The following NRCAM variants were observed in gnomAD, a reference collection of about 807,000 sequenced individuals.
NRCAM encodes NgCAM-related cell adhesion molecule.
In NRCAM, 83 loss-of-function variants were observed where a neutral mutation model predicts 156.5. The observed-to-expected ratio is 0.53, with a 90% CI of 0.44 to 0.64. NRCAM has a LOEUF of 0.64. NRCAM is among the 30% of genes least tolerant of loss of function. NRCAM has a pLI of 0.00. For synonymous variants in NRCAM, 538 were observed against 563.9 expected (o/e 0.95, Z 0.65); for missense variants, 1,417 against 1,597.3 (o/e 0.89, Z 1.92).
At chr7:108,276,531 T>C (rs960518345) in intron 3 of NRCAM, among the ~76,000 whole-genome samples, 1 of 152,182 alleles carries the variant, frequency 6.6e-6, no homozygotes, top group African/African-American at 2.4e-5. Context: ...TTAAAGTCTG[T>C]TTTATCAGAG....
At chr7:108,372,260 GA>G (rs1234645091) in intron 2 of NRCAM, among the ~76,000 whole-genome samples, 2 of 151,760 alleles carry the variant, frequency 1.3e-5, no homozygotes, top group Non-Finnish European at 1.5e-5. Flanking sequence ...AACACACCTA[GA>G]AAAAAACATA....
intron 2 of NRCAM, among the ~76,000 whole-genome samples, chr7:108,366,305 T>C (rs1050695170): frequency 2.6e-5 from 4 of 152,220 alleles, no homozygotes; most frequent in African/African-American, 9.6e-5. Context: ...CTCTGGTTAA[T>C]AAAGTGATAG....
intron 3 of NRCAM, among the ~76,000 whole-genome samples, chr7:108,267,095 G>A (rs1300835101): frequency 6.6e-6 from 1 of 152,178 alleles, no homozygotes; most frequent in Non-Finnish European, 1.5e-5. Context: ...CACACACACA[G>A]CAGATTGCAT....
rs554184391 is a variant in NRCAM at position 108,228,930 on chromosome 7, G to A, written c.550+2101C>T. On this transcript the variant is annotated intron_variant, in intron 8 of 32. Transcript: ENST00000379028. ...ACTTTCTCTGAGTGCTTTCATATAAGGAGAGCCAAAATGCATCCCAGAACT... is the reference window on the plus strand; with the variant it reads ...ACTTTCTCTGAGTGCTTTCATATAAAGAGAGCCAAAATGCATCCCAGAACT... Among the ~76,000 whole-genome samples, 5 of 151,600 alleles carry A rather than the reference G, an allele frequency of 3.3e-5. No individual in the cohort carries two copies. In the East Asian group the frequency reaches 9.7e-4, roughly 29 times the overall value.
At chr7:108,453,548 C>T (rs1489925468) in intron 1 of NRCAM, among the ~76,000 whole-genome samples, 1 of 152,184 alleles carries the variant, frequency 6.6e-6, no homozygotes, top group Admixed American at 6.5e-5. Flanking sequence ...CCCTGCATTA[C>T]GAGGCTGAGC....
At chr7:108,287,564 C>G (rs1374447194) in intron 3 of NRCAM, among the ~76,000 whole-genome samples, 3 of 151,866 alleles carry the variant, frequency 2.0e-5, no homozygotes, top group Admixed American at 2.0e-4. Flanking sequence ...AAGTGGCCAA[C>G]AAACATACAA....
In NRCAM at chr7:108,211,521, A is replaced by G. The variant is rs554960150; in HGVS notation, c.891-1916T>C. On this transcript the variant is annotated intron_variant, in intron 11 of 32. Coordinates refer to ENST00000379028, the MANE Select transcript of NRCAM (RefSeq NM_001037132.4). ...AGCCCCGCTCACCCACTGCCTGGAAACAGACTTGGGGCTGTTAGGGTAGGC... is the reference window on the plus strand; with the variant it reads ...AGCCCCGCTCACCCACTGCCTGGAAGCAGACTTGGGGCTGTTAGGGTAGGC... 2.0e-5 allele frequency among the ~76,000 whole-genome samples: 3 copies of G among 152,256 alleles called. No individual in the cohort carries two copies. The East Asian group carries it at 5.8e-4, about 29-fold the overall frequency.
At position 108,189,833 on chromosome 7, in the gene NRCAM, A is replaced by G. The variant is rs369722910; in HGVS notation, c.1934-87T>C. On this transcript the variant is annotated intron_variant, in intron 19 of 32. Transcript: ENST00000379028. ...TCGTGATACTATTCACAGAGGGGAC[A>G]TCTTAAAGACACAGCACACTTGATA... is the stretch of plus-strand genomic sequence containing the variant. 4.2e-5 allele frequency: 27 copies of G among 648,842 alleles called. No individual in the cohort carries two copies. In the African/African-American group the frequency reaches 5.0e-4, roughly 12 times the overall value. The allele number at this position is 648,842 out of a possible 1,614,324, so 40.2% of individuals were successfully genotyped here. A position where few individuals can be genotyped will look rare whatever the true frequency, so the allele number is the denominator to read the frequency against.
chr7:108,154,219 G>A (rs1438944901), intron 32 of NRCAM, among the ~76,000 whole-genome samples: 1 of 152,280 alleles, frequency 6.6e-6, no homozygotes, highest in Non-Finnish European at 1.5e-5. Context: ...GAGATAGACA[G>A]ATTGACCAAT....
intron 2 of NRCAM, among the ~76,000 whole-genome samples, chr7:108,324,061 T>C (rs540367988): frequency 6.6e-6 from 1 of 151,884 alleles, no homozygotes; most frequent in Non-Finnish European, 1.5e-5. Context: ...GGGCACCACA[T>C]GATCTAGGGC....
chr7:108,456,220 C>CA (rs1282475666), intron 1 of NRCAM, 23 bp downstream of exon 1: 1 of 152,584 alleles, frequency 6.6e-6, no homozygotes, highest in Non-Finnish European at 1.5e-5. Context: ...GTGTCACCGC[C>CA]AGACGCGCAA....
intron 3 of NRCAM, among the ~76,000 whole-genome samples, chr7:108,255,812 C>T (rs986134443): frequency 5.3e-5 from 8 of 150,004 alleles, no homozygotes; most frequent in African/African-American, 1.7e-4. Flanking sequence ...GCGTCTCTGC[C>T]GGGCTGCCCC....
intron 3 of NRCAM, among the ~76,000 whole-genome samples, chr7:108,290,706 G>A (rs2098261816): frequency 6.6e-6 from 1 of 152,228 alleles, no homozygotes; most frequent in East Asian, 1.9e-4. Context: ...CAAAGAAAAT[G>A]AACTGTAATC....
chr7:108,232,395 C>T lies in NRCAM; in HGVS notation c.358G>A (p.Val120Ile), dbSNP rs1321163212. Reference protein sequence around the residue: ...SEGKAETYEGVYQCTARNERG... With the variant: ...SEGKAETYEGIYQCTARNERG... Reference sequence around the variant, plus strand: ...TCGTTCCTTGCTGTACACTGATAGACTCCTTCATAGGTCTCAGCTTTCCCT... The same window carrying T: ...TCGTTCCTTGCTGTACACTGATAGATTCCTTCATAGGTCTCAGCTTTCCCT... The change falls in exon 7 of 33, where the codon GTC becomes ATC. Residue 120 changes from valine (V) to isoleucine (I), a missense_variant. Coordinates refer to ENST00000379028, the MANE Select transcript of NRCAM (RefSeq NM_001037132.4). The T allele has an allele frequency of 6.2e-7, 1 of 1,613,528 alleles. No individual in the cohort carries two copies. Among genetic ancestry groups the T allele is most frequent in the African/African-American group, 1.3e-5 (1 of 74,842 alleles).
At chr7:108,324,877 C>CTTT (rs60553976) in intron 2 of NRCAM, among the ~76,000 whole-genome samples, 15 of 82,684 alleles carry the variant, frequency 1.8e-4, no homozygotes, top group African/African-American at 6.1e-4. Flanking sequence ...TGGCACTGTA[C>CTTT]TTTTTTTTTT....
chr7:108,413,777 G>C (rs1428320795), intron 1 of NRCAM, among the ~76,000 whole-genome samples: 3 of 152,182 alleles, frequency 2.0e-5, no homozygotes, highest in African/African-American at 7.2e-5. Context: ...ATTTGGTGCT[G>C]TATTGAGTCC....
chr7:108,190,076 TAAG>T (rs1327464329), intron 19 of NRCAM, among the ~76,000 whole-genome samples: 1 of 152,174 alleles, frequency 6.6e-6, no homozygotes, highest in Non-Finnish European at 1.5e-5. Flanking sequence ...TGAAAAATAA[TAAG>T]CTTAATTTCT....
chr7:108,444,987 C>G (rs1338252609), intron 1 of NRCAM, among the ~76,000 whole-genome samples: 1 of 152,180 alleles, frequency 6.6e-6, no homozygotes, highest in Non-Finnish European at 1.5e-5. Flanking sequence ...TACAAACCTG[C>G]TCACAAGCCA....
chr7:108,163,995 G>A (rs1259270467), intron 30 of NRCAM, among the ~76,000 whole-genome samples: 1 of 1,156 alleles, frequency 8.7e-4, no homozygotes, highest in Non-Finnish European at 1.7e-3. Context: ...GTGGGGTGGC[G>A]GTAATGAGAG....
Sources: allele counts gnomAD v4.1 joint callset (sites outside exome capture counted in the v4.1 genomes callset), GRCh38; gene constraint gnomAD v4.1.1; transcripts MANE v1.5; gene names NCBI Gene and HGNC (gene_info 2026-07-23, HGNC 2026-07-21).